Variants in CSPG4 observed in about 807,000 individuals in gnomAD.
CSPG4 encodes the protein chondroitin sulfate proteoglycan 4.
CSPG4 carries 74 observed loss-of-function variants against 139.3 expected under a neutral mutation model. That is an observed-to-expected ratio of 0.53 (90% confidence interval 0.44 to 0.64). The LOEUF (loss-of-function observed/expected upper bound fraction) is 0.64. Ranked by LOEUF, CSPG4 falls within the 30% of genes least tolerant of loss-of-function variation. CSPG4 has a pLI of 0.00. For synonymous variants in CSPG4, 1,234 were observed against 1,394.2 expected, an observed-to-expected ratio of 0.89 and a Z score of 2.56; for missense variants, 2,565 against 3,148.3, an observed-to-expected ratio of 0.81 and a Z score of 4.43.
rs149321023 is a variant in CSPG4 at position 75,682,622 on chromosome 15, G to A, written c.4768C>T (p.Leu1590=). The change falls in exon 7 of 10, where the codon CTG becomes TTG. Residue 1590 remains leucine (L), a synonymous_variant. Transcript: ENST00000308508. ...GCACACCCACCTGGGCAGACAGTCA[G>A]TGTCTGGCTGCCCTTCAGCGAGAGG... ...VLLSLKGSQT[L]TVCPGSVQPL... 4 of 1,613,140 alleles carry A rather than the reference G, an allele frequency of 2.5e-6. No individual in the cohort carries two copies. The highest frequency in any genetic ancestry group is 1.3e-5 in the African/African-American group (1 of 75,066).
chr15:75,682,580 A>C (rs1893989494), intron 7 of CSPG4, 27 bp downstream of exon 7: 1 of 1,608,270 alleles, frequency 6.2e-7, no homozygotes, highest in Non-Finnish European at 8.5e-7. Flanking sequence ...CCTGGCACCC[A>C]GGAATGCCCA....
Position 75,675,652 on chromosome 15 carries a change from C to G in CSPG4, c.6867G>C (p.Val2289=), listed in dbSNP as rs144719140. 2 of 1,528,696 alleles carry G rather than the reference C, an allele frequency of 1.3e-6. No homozygotes were observed. Among genetic ancestry groups the G allele is most frequent in the African/African-American group, 2.8e-5 (2 of 71,964 alleles). The allele number at this position is 1,528,696 out of a possible 1,614,324, so 94.7% of individuals were successfully genotyped here. A position where few individuals can be genotyped will look rare whatever the true frequency, so the allele number is the denominator to read the frequency against. The change falls in exon 10 of 10, where the codon GTG becomes GTC. Residue 2289 remains valine (V), a synonymous_variant. Transcript: ENST00000308508. The part of the protein sequence containing the change: ...EPGQAIPLTA[V]PGQGPPPGGQ... ...CTCCTGGAGGGGGCCCCTGGCCAGGCACAGCTGTGAGCGGGATGGCCTGGC... is the reference window on the plus strand; with the variant it reads ...CTCCTGGAGGGGGCCCCTGGCCAGGGACAGCTGTGAGCGGGATGGCCTGGC...
upstream of CSPG4, chr15:75,712,915 TC>T: frequency 1.7e-6 from 1 of 574,142 alleles, no homozygotes; most frequent in South Asian, 2.3e-5. Flanking sequence ...GCGCGCCCGC[TC>T]GGGTTTCAGG....
rs1894465739 is a variant in CSPG4 at position 75,712,829 on chromosome 15, G to T, written c.-74C>A. The T allele has an allele frequency of 3.0e-6, 4 of 1,321,184 alleles. No individual in the cohort carries two copies. The highest frequency in any genetic ancestry group is 4.1e-6 in the Non-Finnish European group (4 of 985,912). The allele number at this position is 1,321,184 out of a possible 1,614,324, so 81.8% of individuals were successfully genotyped here. Reference sequence around the variant, plus strand: ...GAGCTGGGAGCTGAGTGGAGCGAGCGCGGCTCTGCTCCTGGGCGCGGGCCG... The same window carrying T: ...GAGCTGGGAGCTGAGTGGAGCGAGCTCGGCTCTGCTCCTGGGCGCGGGCCG... On this transcript the variant is annotated 5_prime_UTR_variant, in exon 1 of 10. Transcript: ENST00000308508.
In CSPG4 at chr15:75,682,426, C is replaced by T; in HGVS notation, c.4817G>A (p.Arg1606Lys). Residue 1606 changes from arginine to lysine, a missense_variant, in exon 8 of 10, where the codon AGG becomes AAG. Coordinates refer to ENST00000308508, the MANE Select transcript of CSPG4 (RefSeq NM_001897.5). The stretch of plus-strand genomic sequence containing the variant: ...GTCAGTGCCTGCGCTGGAGCTGGCC[C>T]TGAGGGTCTGACTGCTGAGTGGCTG... ...SVQPLSSQTLRASSSAGTDPQ... is the reference protein window; with the variant it reads ...SVQPLSSQTLKASSSAGTDPQ... 1 of 1,590,556 alleles carries T rather than the reference C, an allele frequency of 6.3e-7. No homozygotes were observed. The highest frequency in any genetic ancestry group is 8.5e-7 in the Non-Finnish European group (1 of 1,175,620).
chr15:75,688,577 T>C lies in CSPG4; in HGVS notation c.2488A>G (p.Arg830Gly). The C allele has an allele frequency of 6.2e-7, 1 of 1,613,028 alleles. No homozygotes were observed. Among genetic ancestry groups the C allele is most frequent in the Non-Finnish European group, 8.5e-7 (1 of 1,179,952 alleles). Residue 830 changes from arginine (R) to glycine (G), a missense_variant, in exon 3 of 10, where the codon AGG becomes GGG. Around this residue, in one of 5 missense-constraint regions of CSPG4, gnomAD observed 2,316 missense variants for 2,818.2 expected, o/e 0.82. Coordinates refer to ENST00000308508, the MANE Select transcript of CSPG4 (RefSeq NM_001897.5). ...TFHYEVVQAP[R>G]KGNLQLQGTR... is the part of the protein sequence containing the mutation. ...CCCTGTAGTTGAAGGTTGCCTTTCC[T>C]GGGAGCCTGAACCACCTCATAATGG...
chr15:75,681,343 G>C (rs1418634808), intron 8 of CSPG4, among the ~76,000 whole-genome samples: 3 of 130,844 alleles, frequency 2.3e-5, no homozygotes, highest in Non-Finnish European at 5.2e-5. Context: ...CCAGGCTCAG[G>C]AGTCCCTGCC....
chr15:75,676,548 G>A lies in CSPG4; in HGVS notation c.5971C>T (p.Leu1991=). The stretch of plus-strand genomic sequence containing the variant: ...GCCGAGGTGGGCCGCCCGCCCACCA[G>A]GAGATGCCCATACTGGGGTCCCTGG... The part of the protein sequence containing the change: ...LIQGPQYGHL[L]VGGRPTSAFS... The change falls in exon 10 of 10, where the codon CTG becomes TTG. Residue 1991 remains leucine, a synonymous_variant. Transcript: ENST00000308508. 1 of 1,613,770 alleles carries A rather than the reference G, an allele frequency of 6.2e-7. No individual in the cohort carries two copies. Among genetic ancestry groups the A allele is most frequent in the Non-Finnish European group, 8.5e-7 (1 of 1,179,978 alleles).
At chr15:75,709,128 A>T (rs1307363703) in intron 1 of CSPG4, among the ~76,000 whole-genome samples, 3 of 152,166 alleles carry the variant, frequency 2.0e-5, no homozygotes. Flanking sequence ...AGAGCTAGGA[A>T]CCCTTGCCCC....
At chr15:75,678,252 G>C (rs1194508486) in intron 8 of CSPG4, among the ~76,000 whole-genome samples, 1 of 152,102 alleles carries the variant, frequency 6.6e-6, no homozygotes, top group Admixed American at 6.6e-5. Context: ...CTGTCTCTTG[G>C]CTTTCTCCTA....
At chr15:75,707,419 C>A (rs544362363) in intron 1 of CSPG4, among the ~76,000 whole-genome samples, 41 of 152,298 alleles carry the variant, frequency 2.7e-4, no homozygotes, top group African/African-American at 9.6e-4. Context: ...CTATATATAA[C>A]AAATATTCCA....
At chr15:75,684,341 G>T (rs1265408710) in intron 5 of CSPG4, among the ~76,000 whole-genome samples, 1 of 152,244 alleles carries the variant, frequency 6.6e-6, no homozygotes, top group Non-Finnish European at 1.5e-5. Context: ...TTGTGCAGGA[G>T]TTTGGGGAGC....
intron 8 of CSPG4, chr15:75,679,725 G>C (rs565990292): frequency 6.6e-6 from 1 of 152,166 alleles, no homozygotes; most frequent in East Asian, 1.9e-4. Context: ...TGTCGCCCAG[G>C]CTGGAATGCA....
rs4573902 is a variant in CSPG4 at position 75,687,037 on chromosome 15, A to G, written c.3789+239T>C. Among the ~76,000 whole-genome samples, 68,172 of 139,184 alleles carry G rather than the reference A, an allele frequency of 0.49. 16,103 individuals carry two copies. Among genetic ancestry groups the G allele is most frequent in the Middle Eastern group, 0.56 (152 of 270 alleles). The allele number at this position is 139,184 out of a possible 152,430, so 91.3% of individuals were successfully genotyped here. A position where few individuals can be genotyped will look rare whatever the true frequency, so the allele number is the denominator to read the frequency against. On this transcript the variant is annotated intron_variant, in intron 3 of 9. Coordinates refer to ENST00000308508, the MANE Select transcript of CSPG4 (RefSeq NM_001897.5). This position sits in a 1 kb window ranked among gnomAD's most constrained non-coding sequence, Gnocchi z 5.4. Reference sequence around the variant, plus strand: ...GAATCTGCATGCTCAGCCATGTCATACACATGAGTGGACACAACCTCTGGA... The same window carrying G: ...GAATCTGCATGCTCAGCCATGTCATGCACATGAGTGGACACAACCTCTGGA...
intron 5 of CSPG4, among the ~76,000 whole-genome samples, chr15:75,683,390 A>G (rs1332002881): frequency 6.6e-6 from 1 of 152,020 alleles, no homozygotes; most frequent in Admixed American, 6.6e-5. Flanking sequence ...GCTGACCAAC[A>G]GTGCTCCCTA....
At chr15:75,703,642 G>T (rs1596013599) in intron 1 of CSPG4, among the ~76,000 whole-genome samples, 3 of 150,698 alleles carry the variant, frequency 2.0e-5, no homozygotes, top group South Asian at 4.2e-4. Context: ...TCTTGGGCAC[G>T]GCCGGGACCT....
At chr15:75,697,217 C>A (rs1426847166) in intron 1 of CSPG4, among the ~76,000 whole-genome samples, 1 of 152,216 alleles carries the variant, frequency 6.6e-6, no homozygotes, top group Non-Finnish European at 1.5e-5. Context: ...CGCCTCCGGC[C>A]ATCCCTGCTG....
chr15:75,695,823 G>A (rs373650933), intron 1 of CSPG4, among the ~76,000 whole-genome samples: 11 of 152,286 alleles, frequency 7.2e-5, no homozygotes, highest in South Asian at 4.1e-4. Flanking sequence ...CAGCAAGGCC[G>A]AGTGAGACTG....
At chr15:75,700,940 A>T (rs1353898212) in intron 1 of CSPG4, among the ~76,000 whole-genome samples, 7 of 152,140 alleles carry the variant, frequency 4.6e-5, no homozygotes, top group Middle Eastern at 3.2e-3. Flanking sequence ...CACCCCACAG[A>T]CAGAAGTCCA....
Sources: gnomAD v4.1 joint callset for allele counts (sites outside exome capture counted in the v4.1 genomes callset) on GRCh38, gnomAD v4.1.1 for gene constraint, gnomAD v4.1.1 regional missense constraint, Gnocchi (gnomAD v3.1) non-coding constraint, MANE v1.5 for transcripts, NCBI Gene and HGNC (gene_info 2026-07-23, HGNC 2026-07-21) for gene names.